Variants in RNPEP observed in about 807,000 individuals in gnomAD.
RNPEP encodes arginyl aminopeptidase, also known as aminopeptidase B.
In RNPEP, 57 loss-of-function variants were observed where a neutral mutation model predicts 70.1. The observed-to-expected ratio is 0.81, with a 90% CI of 0.66 to 1.01. The LOEUF (loss-of-function observed/expected upper bound fraction) is 1.01. Ranked by LOEUF, RNPEP falls within the 50% of genes least tolerant of loss-of-function variation. RNPEP has a pLI of 0.00. For missense variants in RNPEP, 787 were observed against 852.4 expected, an observed-to-expected ratio of 0.92 and a Z score of 0.96; for synonymous variants, 335 against 357.4, an observed-to-expected ratio of 0.94 and a Z score of 0.71.
intron 9 of RNPEP, among the ~76,000 whole-genome samples, chr1:202,004,084 A>C (rs1188923214): frequency 6.6e-6 from 1 of 152,148 alleles, no homozygotes; most frequent in East Asian, 1.9e-4. Context: ...CCGTGGTGCT[A>C]TTGGCTCACA....
intron 10 of RNPEP, among the ~76,000 whole-genome samples, 153 bp from the exon 11 acceptor site, chr1:202,005,405 C>T (rs1684016814): frequency 6.6e-6 from 1 of 152,212 alleles, no homozygotes; most frequent in Non-Finnish European, 1.5e-5. Flanking sequence ...TGAATTAGAG[C>T]ACTTCTGATG....
Position 201,983,218 on chromosome 1 carries a change from C to T in RNPEP, c.447+105C>T, listed in dbSNP as rs1313213146. On this transcript the variant is annotated intron_variant, in intron 1 of 10. Coordinates refer to ENST00000295640, the MANE Select transcript of RNPEP (RefSeq NM_020216.4). Reference sequence around the variant, plus strand: ...ACCCGGGAGGAGGGACAGGGAGGACCCTTCCAGAGCGTCCCTAGAGGGGCC... The same window carrying T: ...ACCCGGGAGGAGGGACAGGGAGGACTCTTCCAGAGCGTCCCTAGAGGGGCC... 20 of 1,418,212 alleles carry T rather than the reference C, an allele frequency of 1.4e-5. No homozygotes were observed. The Admixed American group carries it at 1.9e-4, about 13-fold the overall frequency. 87.9% of individuals were successfully genotyped at this position (1,418,212 alleles called of 1,614,324 possible).
intron 9 of RNPEP, 125 bp from the exon 10 acceptor site, chr1:202,004,229 T>A (rs1683957587): frequency 9.6e-7 from 1 of 1,037,472 alleles, no homozygotes; most frequent in Non-Finnish European, 1.4e-6. Context: ...GGTTTCGCCA[T>A]ATTGGCCAGG....
Position 201,983,076 on chromosome 1 carries a change from A to T in RNPEP, c.410A>T (p.Gln137Leu), listed in dbSNP as rs1682998624. ...PQPCRAAERL[Q>L]VLLTYRVGEG... Reference sequence around the variant, plus strand: ...CCCTGCCGCGCCGCCGAGCGCCTCCAGGTGCTGCTCACCTACCGCGTCGGG... The same window carrying T: ...CCCTGCCGCGCCGCCGAGCGCCTCCTGGTGCTGCTCACCTACCGCGTCGGG... Residue 137 changes from glutamine (Q) to leucine (L), a missense_variant, in exon 1 of 11, where the codon CAG becomes CTG. By Grantham distance (113) the Gln-to-Leu change is moderately radical (BLOSUM62 -2). Transcript: ENST00000295640. 6.6e-7 allele frequency: 1 copy of T among 1,523,526 alleles called. No homozygotes were observed. The highest frequency in any genetic ancestry group is 8.8e-7 in the Non-Finnish European group (1 of 1,142,598). The allele number at this position is 1,523,526 out of a possible 1,614,324, so 94.4% of individuals were successfully genotyped here. A position where few individuals can be genotyped will look rare whatever the true frequency, so the allele number is the denominator to read the frequency against.
chr1:202,005,407 C>T, intron 10 of RNPEP, 151 bp from the exon 11 acceptor site: 4 of 828,394 alleles, frequency 4.8e-6, no homozygotes, highest in Non-Finnish European at 5.7e-6. Flanking sequence ...AATTAGAGCA[C>T]TTCTGATGAG....
chr1:201,997,867 G>A (rs973637008), intron 5 of RNPEP, among the ~76,000 whole-genome samples: 108 of 150,490 alleles, frequency 7.2e-4, no homozygotes, highest in African/African-American at 2.6e-3. Flanking sequence ...GGCTTCAAGC[G>A]ATTCTCCTGC....
chr1:202,002,352 G>A (rs113599961), intron 8 of RNPEP, among the ~76,000 whole-genome samples: 1,808 of 152,140 alleles, frequency 0.012, 38 homozygotes, highest in African/African-American at 0.041. Flanking sequence ...AGTAGAGACG[G>A]GGTTTCTCCA....
At chr1:202,004,268 TC>T (rs1448534795) in intron 9 of RNPEP, 85 bp from the exon 10 acceptor site, 12 of 1,448,068 alleles carry the variant, frequency 8.3e-6, no homozygotes, top group Non-Finnish European at 1.1e-5. Flanking sequence ...CCTCAAGTGA[TC>T]CGCCCACCTC....
Position 202,004,379 on chromosome 1 carries a change from A to G in RNPEP, c.1677A>G (p.Thr559=), listed in dbSNP as rs371665381. 7 of 1,614,170 alleles carry G rather than the reference A, an allele frequency of 4.3e-6. No individual in the cohort carries two copies. The African/African-American group carries it at 5.3e-5, about 12-fold the overall frequency. Residue 559 remains threonine (T), a synonymous_variant, in exon 10 of 11, where the codon ACA becomes ACG. Coordinates refer to ENST00000295640, the MANE Select transcript of RNPEP (RefSeq NM_020216.4). ...GGAATGTGAAAAAACTTGGAGACAC[A>G]TACCCAAGTATCTCAAATGCCCGGA... The part of the protein sequence containing the change: ...PPGNVKKLGD[T]YPSISNARNA...
chr1:201,999,865 GACGTTTTCCCGAGGCTT>G lies in RNPEP; in HGVS notation c.1091-30_1091-14del, dbSNP rs1683718108. ...GAAAATACACTTGGATGTGGTGACA[GACGTTTTCCCGAGGCTT>G]ACGTTTGATTCTGCACCAGGCGCTG... On this transcript the variant is annotated intron_variant, in intron 5 of 10. Coordinates refer to ENST00000295640, the MANE Select transcript of RNPEP (RefSeq NM_020216.4). 6.5e-7 allele frequency: 1 copy of G among 1,535,704 alleles called. No homozygotes were observed. The highest frequency in any genetic ancestry group is 9.0e-7 in the Non-Finnish European group (1 of 1,114,662).
chr1:201,983,262 T>C, intron 1 of RNPEP, 149 bp downstream of exon 1: 6 of 1,440,714 alleles, frequency 4.2e-6, no homozygotes, highest in Non-Finnish European at 5.4e-6. Context: ...GCGCGCCGCC[T>C]CTAGGCCTCC....
At chr1:201,983,341 G>A in intron 1 of RNPEP, 2 of 1,479,990 alleles carry the variant, frequency 1.4e-6, no homozygotes, top group Non-Finnish European at 1.8e-6. Context: ...CCACTGGGCG[G>A]TGCATCCTTC....
chr1:202,001,297 T>C lies in RNPEP; in HGVS notation c.1205-79T>C, dbSNP rs928190346. The C allele has an allele frequency of 8.1e-6, 8 of 988,810 alleles. No individual in the cohort carries two copies. The Admixed American group carries it at 1.1e-4, about 14-fold the overall frequency. The allele number at this position is 988,810 out of a possible 1,614,324, so 61.3% of individuals were successfully genotyped here. A position where few individuals can be genotyped will look rare whatever the true frequency, so the allele number is the denominator to read the frequency against. ...TTCTGATCTCTTCCATCGCTAGTCT[T>C]TGACTGTGGAGCTAGAGAAGAACGT... is the stretch of plus-strand genomic sequence containing the variant. On this transcript the variant is annotated intron_variant, in intron 6 of 10. Coordinates refer to ENST00000295640, the MANE Select transcript of RNPEP (RefSeq NM_020216.4).
At position 201,992,995 on chromosome 1, in the gene RNPEP, T is replaced by G. The variant is rs1024014776; in HGVS notation, c.738-3152T>G. ...TTTAAGCTGTTCTAAGACTTTACTC[T>G]TCTCTTTAAGTTTGCTATCCAATCC... On this transcript the variant is annotated intron_variant, in intron 3 of 10. Transcript: ENST00000295640. Among the ~76,000 whole-genome samples, 3 of 152,190 alleles carry G rather than the reference T, an allele frequency of 2.0e-5. No homozygotes were observed. In the South Asian group the frequency reaches 6.2e-4, roughly 32 times the overall value.
rs545570533 is a variant in RNPEP at position 201,991,200 on chromosome 1, C to T, written c.737+1669C>T. Among the ~76,000 whole-genome samples, 63 of 152,164 alleles carry T rather than the reference C, an allele frequency of 4.1e-4. 1 individual carries two copies. In the East Asian group the frequency reaches 0.01, roughly 25 times the overall value. On this transcript the variant is annotated intron_variant, in intron 3 of 10. Transcript: ENST00000295640. ...CGCGATCTTGGCTCACCACAACCTCCGCCTCCTGGGTTCAAGTGATTCTCC... is the reference window on the plus strand; with the variant it reads ...CGCGATCTTGGCTCACCACAACCTCTGCCTCCTGGGTTCAAGTGATTCTCC...
At chr1:201,983,238 G>A (rs1683005368) in intron 1 of RNPEP, 125 bp downstream of exon 1, 1 of 1,429,728 alleles carries the variant, frequency 7.0e-7, no homozygotes, top group African/African-American at 1.5e-5. Flanking sequence ...CGTCCCTAGA[G>A]GGGCCTACTC....
intron 5 of RNPEP, among the ~76,000 whole-genome samples, chr1:201,999,270 G>A (rs1472386865): frequency 4.0e-5 from 6 of 151,704 alleles, no homozygotes; most frequent in East Asian, 1.9e-4. Context: ...GGGGCTGGGC[G>A]TGGTGGTTCA....
chr1:201,994,743 C>T (rs1040764315), intron 3 of RNPEP, among the ~76,000 whole-genome samples: 3 of 151,550 alleles, frequency 2.0e-5, no homozygotes, highest in African/African-American at 4.8e-5. Flanking sequence ...CTTGGCTCCC[C>T]GCAACCTCTG....
At chr1:202,003,108 A>T (rs1239814059) in intron 8 of RNPEP, 129 bp from the exon 9 acceptor site, 1 of 646,106 alleles carries the variant, frequency 1.5e-6, no homozygotes. Context: ...ATGGGAAAGT[A>T]ATGTTAAATG....
Sources: gnomAD v4.1 joint callset for allele counts (sites outside exome capture counted in the v4.1 genomes callset) on GRCh38, gnomAD v4.1.1 for gene constraint, MANE v1.5 for transcripts, NCBI Gene and HGNC (gene_info 2026-07-23, HGNC 2026-07-21) for gene names.